The following IGSF11 variants were observed in gnomAD, a reference collection of about 807,000 sequenced individuals.
IGSF11 encodes the protein immunoglobulin superfamily member 11, also known as CXADR like 1.
Under a neutral mutation model 41.0 loss-of-function variants are expected in IGSF11, and 22 were observed. That is an observed-to-expected ratio of 0.54 (90% confidence interval 0.38 to 0.77). IGSF11 has a LOEUF of 0.77. Among genes scored for constraint, IGSF11 ranks in the 30% least tolerant of loss-of-function variants. The pLI, the probability that IGSF11 is intolerant of heterozygous loss-of-function variation, is 0.00. For missense variants in IGSF11, 444 were observed against 530.8 expected (o/e 0.84, Z 1.61); for synonymous variants, 219 against 201.3 (o/e 1.09, Z -0.74).
chr3:119,008,292 T>C (rs1937652906), intron 1 of IGSF11, among the ~76,000 whole-genome samples: 1 of 152,234 alleles, frequency 6.6e-6, no homozygotes, highest in Non-Finnish European at 1.5e-5. Context: ...CCAAAACCCA[T>C]TCCAATTGTC....
rs377746200 is a variant in IGSF11 at position 119,097,957 on chromosome 3, A to ATTTTTTTTTTTTTTTT, written c.49+7171_49+7186dup. Among the ~76,000 whole-genome samples, 12 of 58,364 alleles carry ATTTTTTTTTTTTTTTT rather than the reference A, an allele frequency of 2.1e-4. 1 individual carries two copies. Among genetic ancestry groups the ATTTTTTTTTTTTTTTT allele is most frequent in the Non-Finnish European group, 4.1e-4 (12 of 29,260 alleles). 38.3% of individuals were successfully genotyped at this position (58,364 alleles called of 152,430 possible). A position where few individuals can be genotyped will look rare whatever the true frequency, so the allele number is the denominator to read the frequency against. On this transcript the variant is annotated intron_variant, in intron 1 of 6. Coordinates refer to the IGSF11 transcript ENST00000354673. ...AGGCACATGCCACCACATTCAGCTA[A>ATTTTTTTTTTTTTTTT]TTTTTTTTTTTTTTTTTTTTTTTTT...
intron 1 of IGSF11, among the ~76,000 whole-genome samples, chr3:119,027,290 T>C (rs1000856216): frequency 3.9e-5 from 6 of 152,208 alleles, no homozygotes; most frequent in African/African-American, 1.4e-4. Context: ...AAGAAACTAC[T>C]GCATATCATG....
intron 4 of IGSF11, among the ~76,000 whole-genome samples, chr3:118,913,804 A>T (rs79540845): frequency 0.086 from 13,147 of 152,278 alleles, 628 homozygotes; most frequent in East Asian, 0.13. Flanking sequence ...ATGATTAATA[A>T]GGAGAAAAGT....
upstream of IGSF11, among the ~76,000 whole-genome samples, chr3:119,039,311 T>C (rs896370198): frequency 6.6e-6 from 1 of 151,472 alleles, no homozygotes; most frequent in African/African-American, 2.4e-5. Flanking sequence ...AATCATTTTC[T>C]TACCTTTTTC....
intron 1 of IGSF11, among the ~76,000 whole-genome samples, chr3:118,930,868 G>T (rs2107534972): frequency 6.6e-6 from 1 of 152,216 alleles, no homozygotes; most frequent in Non-Finnish European, 1.5e-5. Flanking sequence ...TTTTGCAAAT[G>T]TTGACAAATT....
chr3:119,001,702 A>G lies in IGSF11; in HGVS notation c.52+32829T>C, dbSNP rs1290241279. Among the ~76,000 whole-genome samples, 5 of 146,250 alleles carry G rather than the reference A, an allele frequency of 3.4e-5. No homozygotes were observed. The East Asian group carries it at 8.1e-4, about 24-fold the overall frequency. Reference sequence around the variant, plus strand: ...TGATCTCATTGTTCAATTCCCATCTATGAGTGAGAATATGCAGTGTTTGGT... The same window carrying G: ...TGATCTCATTGTTCAATTCCCATCTGTGAGTGAGAATATGCAGTGTTTGGT... On this transcript the variant is annotated intron_variant, in intron 1 of 6. Coordinates refer to ENST00000393775, the MANE Select transcript of IGSF11 (RefSeq NM_001015887.3).
intron 1 of IGSF11, among the ~76,000 whole-genome samples, chr3:119,071,915 G>C (rs548197398): frequency 2.0e-5 from 3 of 152,262 alleles, no homozygotes; most frequent in East Asian, 3.9e-4. Flanking sequence ...GAATCTCTAG[G>C]TTAATTTGGA....
At chr3:119,072,734 G>A (rs550881475) in intron 1 of IGSF11, among the ~76,000 whole-genome samples, 1 of 152,294 alleles carries the variant, frequency 6.6e-6, no homozygotes, top group African/African-American at 2.4e-5. Flanking sequence ...AGCTCATAAA[G>A]GCAGTGCAGA....
chr3:118,926,201 A>G lies in IGSF11; in HGVS notation c.480T>C (p.Asp160=). The G allele has an allele frequency of 1.9e-6, 3 of 1,611,604 alleles. No individual in the cohort carries two copies. Among genetic ancestry groups the G allele is most frequent in the East Asian group, 2.2e-5 (1 of 44,776 alleles). ...QIQGSQDIGS[D]VILLCSSEEG... is the part of the protein sequence containing the mutation. Reference sequence around the variant, plus strand: ...CCTCTGAGCTACAGAGCAGGATGACATCGCTGCCAATATCCTGGGATCCTT... The same window carrying G: ...CCTCTGAGCTACAGAGCAGGATGACGTCGCTGCCAATATCCTGGGATCCTT... Residue 160 remains aspartate, a synonymous_variant, in exon 4 of 7, where the codon GAT becomes GAC. Transcript: ENST00000393775.
chr3:119,133,199 T>A (rs7630405), intron 1 of IGSF11, among the ~76,000 whole-genome samples: 3 of 152,188 alleles, frequency 2.0e-5, no homozygotes, highest in Non-Finnish European at 2.9e-5. Context: ...TAGCAAAAGG[T>A]AAAAAATTAC....
At chr3:119,142,028 C>A (rs569591430) in intron 1 of IGSF11, among the ~76,000 whole-genome samples, 23 of 152,086 alleles carry the variant, frequency 1.5e-4, no homozygotes, top group Non-Finnish European at 2.9e-4. Flanking sequence ...GTAATCCCAG[C>A]ACTTTGGGAG....
intron 1 of IGSF11, among the ~76,000 whole-genome samples, chr3:119,122,651 C>T (rs530472881): frequency 7.9e-5 from 12 of 152,326 alleles, no homozygotes; most frequent in African/African-American, 2.6e-4. Flanking sequence ...ATCCTTCCTC[C>T]TGGGAGAAGA....
intron 1 of IGSF11, among the ~76,000 whole-genome samples, chr3:119,135,338 T>C (rs1300431857): frequency 6.6e-6 from 1 of 152,108 alleles, no homozygotes; most frequent in Non-Finnish European, 1.5e-5. Context: ...ATATCCAGAA[T>C]CTACAAAAAA....
At chr3:119,034,407 T>G in intron 1 of IGSF11, 124 bp downstream of exon 1, 45 of 977,474 alleles carry the variant, frequency 4.6e-5, no homozygotes, top group Non-Finnish European at 5.3e-5. Context: ...ACGCCGCCCC[T>G]GAGAAAGTTG....
Position 119,096,607 on chromosome 3 carries a change from T to C in IGSF11, c.49+8537A>G, listed in dbSNP as rs148445663. 5.8e-3 allele frequency among the ~76,000 whole-genome samples: 883 copies of C among 152,282 alleles called. 11 individuals are homozygous for C. Among genetic ancestry groups the C allele is most frequent in the African/African-American group, 0.02 (839 of 41,568 alleles). On this transcript the variant is annotated intron_variant, in intron 1 of 6. Coordinates refer to the IGSF11 transcript ENST00000354673. ...TCATATTTGCCTCTAGGTTGTGAAG[T>C]TGTGCTACTTTGTATTTAACTCTCT...
upstream of IGSF11, among the ~76,000 whole-genome samples, chr3:119,036,586 T>A (rs149697619): frequency 6.6e-6 from 1 of 152,236 alleles, no homozygotes; most frequent in Non-Finnish European, 1.5e-5. Context: ...AACCTAATAA[T>A]CTGAGCTTAA....
chr3:119,018,588 G>A (rs547393202), intron 1 of IGSF11, among the ~76,000 whole-genome samples: 2 of 152,194 alleles, frequency 1.3e-5, no homozygotes, highest in African/African-American at 4.8e-5. Flanking sequence ...CTTAACTATA[G>A]GTACTGGAAT....
At chr3:119,110,706 C>A (rs1344561073) in intron 1 of IGSF11, among the ~76,000 whole-genome samples, 1 of 152,116 alleles carries the variant, frequency 6.6e-6, no homozygotes, top group Admixed American at 6.5e-5. Context: ...TACATTTTGG[C>A]ATGATTTTGC....
chr3:119,013,497 G>A (rs1190410898), intron 1 of IGSF11, among the ~76,000 whole-genome samples: 1 of 152,142 alleles, frequency 6.6e-6, no homozygotes, highest in Non-Finnish European at 1.5e-5. Flanking sequence ...TCTAGTGGTG[G>A]CCGACACTTA....
Sources: gnomAD v4.1 joint callset for allele counts (sites outside exome capture counted in the v4.1 genomes callset) on GRCh38, gnomAD v4.1.1 for gene constraint, MANE v1.5 for transcripts, NCBI Gene and HGNC (gene_info 2026-07-23, HGNC 2026-07-21) for gene names.